The following DMWD variants were observed in gnomAD, a reference collection of about 807,000 sequenced individuals.
The protein encoded by DMWD is dystrophia myotonica WD repeat-containing protein.
A neutral mutation model predicts 45.8 loss-of-function variants in DMWD; 19 were observed. The ratio of observed to expected loss-of-function variants is 0.41; its 90% CI spans 0.29 to 0.61. DMWD has a LOEUF of 0.61. Among genes scored for constraint, DMWD ranks in the 20% least tolerant of loss-of-function variants. The probability of loss-of-function intolerance (pLI) is 0.25; values close to 1 mark genes in which losing one functional copy is unlikely to be tolerated. For missense variants in DMWD, 802 were observed against 965.2 expected (o/e 0.83, Z 2.24); for synonymous variants, 515 against 440.5 (o/e 1.17, Z -2.12).
intron 2 of DMWD, among the ~76,000 whole-genome samples, chr19:45,787,920 A>C (rs1235199305): frequency 6.6e-6 from 1 of 152,144 alleles, no homozygotes; most frequent in African/African-American, 2.4e-5. Context: ...TCTCTACTAA[A>C]AATACAAAAA....
Position 45,783,633 on chromosome 19 carries a change from G to A in DMWD, c.*610C>T, listed in dbSNP as rs1346986888. The A allele has an allele frequency of 5.0e-6, 2 of 400,584 alleles. No homozygotes were observed. Among genetic ancestry groups the A allele is most frequent in the Non-Finnish European group, 8.8e-6 (2 of 227,518 alleles). The allele number at this position is 400,584 out of a possible 1,614,324, so 24.8% of individuals were successfully genotyped here. A position where few individuals can be genotyped will look rare whatever the true frequency, so the allele number is the denominator to read the frequency against. Reference sequence around the variant, plus strand: ...GGTGGGAGGCGCTGGGCTGGGAGCAGGCCTGCACTCCTCCTCTGGGGAAAG... The same window carrying A: ...GGTGGGAGGCGCTGGGCTGGGAGCAAGCCTGCACTCCTCCTCTGGGGAAAG... On this transcript the variant is annotated 3_prime_UTR_variant, in exon 5 of 5. Coordinates refer to ENST00000270223, the MANE Select transcript of DMWD (RefSeq NM_004943.2).
At position 45,790,513 on chromosome 19, in the gene DMWD, C is replaced by T. The variant is rs1163974564; in HGVS notation, c.624+392G>A. 35 of 154,392 alleles carry T rather than the reference C, an allele frequency of 2.3e-4. 1 individual carries two copies. The highest frequency in any genetic ancestry group is 3.9e-4 in the East Asian group (2 of 5,096). 9.6% of individuals were successfully genotyped at this position (154,392 alleles called of 1,614,324 possible). Reference sequence around the variant, plus strand: ...CTAAAACTACAATAAATTAGGCGGGCGTGGCAGCAGGTGCCTGAAGTCCCA... The same window carrying T: ...CTAAAACTACAATAAATTAGGCGGGTGTGGCAGCAGGTGCCTGAAGTCCCA... On this transcript the variant is annotated intron_variant, in intron 2 of 4. Transcript: ENST00000270223.
In DMWD at chr19:45,792,706, C is replaced by A. The variant is rs898891884; in HGVS notation, c.51G>T (p.Gly17=). The change falls in exon 1 of 5, where the codon GGG becomes GGT. Residue 17 remains glycine, a synonymous_variant. Coordinates refer to ENST00000270223, the MANE Select transcript of DMWD (RefSeq NM_004943.2). ...EGGSGPGAAM[G]DCAEIKSQFR... is the part of the protein sequence containing the mutation. ...ATTGCGACTTAATCTCCGCGCAGTCCCCCATGGCGGCGCCGGGGCCCGAGC... is the reference window on the plus strand; with the variant it reads ...ATTGCGACTTAATCTCCGCGCAGTCACCCATGGCGGCGCCGGGGCCCGAGC... The A allele has an allele frequency of 1.9e-4, 235 of 1,236,036 alleles. No homozygotes were observed. The highest frequency in any genetic ancestry group is 2.2e-4 in the Non-Finnish European group (210 of 972,132). 76.6% of individuals were successfully genotyped at this position (1,236,036 alleles called of 1,614,324 possible). A position where few individuals can be genotyped will look rare whatever the true frequency, so the allele number is the denominator to read the frequency against.
chr19:45,786,219 G>A lies in DMWD; in HGVS notation c.1277C>T (p.Ser426Phe), dbSNP rs1970273529. 1 of 1,611,530 alleles carries A rather than the reference G, an allele frequency of 6.2e-7. No individual in the cohort carries two copies. Among genetic ancestry groups the A allele is most frequent in the South Asian group, 1.1e-5 (1 of 90,922 alleles). ...CGCCGAGCCAAAGCGGTAAGTAATG[G>A]AGCCAGCCTTGGGCAGTGGAGAGAG... is the stretch of plus-strand genomic sequence containing the variant. ...APLSPLPKAG[S>F]ITYRFGSAGQ... The change falls in exon 3 of 5, where the codon TCC becomes TTC. Residue 426 changes from serine to phenylalanine, a missense_variant. Physicochemically the swap from Ser to Phe is radical, Grantham distance 155 (BLOSUM62 -2). Around this residue, in one of 9 missense-constraint regions of DMWD, gnomAD observed 67 missense variants for 57.9 expected, o/e 1.16. Coordinates refer to ENST00000270223, the MANE Select transcript of DMWD (RefSeq NM_004943.2).
Position 45,792,568 on chromosome 19 carries a change from G to T in DMWD, c.189C>A (p.Pro63=). 1 of 1,245,556 alleles carries T rather than the reference G, an allele frequency of 8.0e-7. No individual in the cohort carries two copies. Among genetic ancestry groups the T allele is most frequent in the Non-Finnish European group, 1.0e-6 (1 of 981,600 alleles). The allele number at this position is 1,245,556 out of a possible 1,614,324, so 77.2% of individuals were successfully genotyped here. The change falls in exon 1 of 5, where the codon CCC becomes CCA. Residue 63 remains proline, a synonymous_variant. Transcript: ENST00000270223. ...PVPPQPPQPP[P]GPASASGPGA... is the part of the protein sequence containing the mutation. ...CGGGACCGGAGGCGGAGGCAGGGCC[G>T]GGCGGGGGCTGCGGTGGCTGAGGCG...
intron 1 of DMWD, 132 bp from the exon 2 acceptor site, chr19:45,791,219 G>T: frequency 1.1e-6 from 1 of 883,022 alleles, no homozygotes; most frequent in Non-Finnish European, 1.7e-6. Flanking sequence ...TGAGTAGGTG[G>T]ATTGCGAAGG....
At chr19:45,788,860 C>T (rs1047972459) in intron 2 of DMWD, among the ~76,000 whole-genome samples, 7 of 149,960 alleles carry the variant, frequency 4.7e-5, no homozygotes, top group Admixed American at 2.0e-4. Flanking sequence ...GCCTGGGAGG[C>T]GGAGGTTGCA....
In DMWD at chr19:45,787,058, G is replaced by A. The variant is rs942234718; in HGVS notation, c.625-187C>T. 3.9e-6 allele frequency: 4 copies of A among 1,030,918 alleles called. No individual in the cohort carries two copies. In the African/African-American group the frequency reaches 4.9e-5, roughly 13 times the overall value. The allele number at this position is 1,030,918 out of a possible 1,614,324, so 63.9% of individuals were successfully genotyped here. ...GGAAGACAGATGGACACCAGGTCAT[G>A]GAAACATGGGGAAACAGAGGCTGCT... On this transcript the variant is annotated intron_variant, in intron 2 of 4. Transcript: ENST00000270223.
At chr19:45,792,010 G>A (rs554304980) in intron 1 of DMWD, among the ~76,000 whole-genome samples, 1 of 152,024 alleles carries the variant, frequency 6.6e-6, no homozygotes, top group East Asian at 1.9e-4. Flanking sequence ...TGCCACCCCA[G>A]AACCCGGGGG....
chr19:45,785,865 T>C lies in DMWD; in HGVS notation c.1631A>G (p.His544Arg), dbSNP rs1970264677. Residue 544 changes from histidine (H) to arginine (R), a missense_variant, in exon 3 of 5, where the codon CAC (histidine) becomes CGC (arginine). Physicochemically the swap from His to Arg is conservative, Grantham distance 29. This residue lies in a region of DMWD where 303 missense variants were observed against 332.9 expected (regional missense o/e 0.91). Transcript: ENST00000270223. Reference sequence around the variant, plus strand: ...ACCCCGGCTGATGTTGCCCAGGCTGTGGTAGCGCTTGTGCTCCTTCTCTGC... The same window carrying C: ...ACCCCGGCTGATGTTGCCCAGGCTGCGGTAGCGCTTGTGCTCCTTCTCTGC... ...RGAEKEHKRY[H>R]SLGNISRGGS... 6.2e-7 allele frequency: 1 copy of C among 1,607,380 alleles called. No individual in the cohort carries two copies. The highest frequency in any genetic ancestry group is 2.2e-5 in the East Asian group (1 of 44,878).
chr19:45,786,915 C>T (rs1568592685), intron 2 of DMWD, 44 bp from the exon 3 acceptor site: 1 of 1,578,522 alleles, frequency 6.3e-7, no homozygotes, highest in African/African-American at 1.4e-5. Flanking sequence ...GCAGTAAAAC[C>T]CAGGCAGAAC....
At position 45,792,801 on chromosome 19, in the gene DMWD, A is replaced by T; in HGVS notation, c.-45T>A. 3.7e-6 allele frequency: 4 copies of T among 1,090,834 alleles called. No homozygotes were observed. The highest frequency in any genetic ancestry group is 4.5e-6 in the Non-Finnish European group (4 of 898,708). The allele number at this position is 1,090,834 out of a possible 1,614,324, so 67.6% of individuals were successfully genotyped here. A position where few individuals can be genotyped will look rare whatever the true frequency, so the allele number is the denominator to read the frequency against. ...CCGCCACTGCCGGACTGCCGCCCGC[A>T]GCCGGGCCCCCTCCCGGAAGCCGCT... On this transcript the variant is annotated 5_prime_UTR_variant, in exon 1 of 5. Coordinates refer to ENST00000270223, the MANE Select transcript of DMWD (RefSeq NM_004943.2).
rs377687395 is a variant in DMWD at position 45,790,965 on chromosome 19, C to A, written c.564G>T (p.Ala188=). Reference sequence around the variant, plus strand: ...TGAGATCCAGGTACTGCACTTGACCCGCTGAGAAGCCCACCAGCAGCGAGA... The same window carrying A: ...TGAGATCCAGGTACTGCACTTGACCAGCTGAGAAGCCCACCAGCAGCGAGA... ...ETISLLVGFS[A]GQVQYLDLIK... is the part of the protein sequence containing the mutation. Residue 188 remains alanine, a synonymous_variant, in exon 2 of 5, where the codon GCG becomes GCT. Coordinates refer to ENST00000270223, the MANE Select transcript of DMWD (RefSeq NM_004943.2). 1 of 1,613,474 alleles carries A rather than the reference C, an allele frequency of 6.2e-7. No homozygotes were observed. The highest frequency in any genetic ancestry group is 1.3e-5 in the African/African-American group (1 of 74,692).
In DMWD at chr19:45,786,467, C is replaced by T. The variant is rs779919971; in HGVS notation, c.1029G>A (p.Thr343=). The T allele has an allele frequency of 2.2e-5, 35 of 1,612,898 alleles. No homozygotes were observed. The highest frequency in any genetic ancestry group is 4.5e-5 in the East Asian group (2 of 44,830). ...CWSPDGRYVV[T]GGEDDLVTVW... Reference sequence around the variant, plus strand: ...CGGTGACCAGGTCATCTTCGCCACCCGTCACCACGTAGCGGCCGTCAGGGC... The same window carrying T: ...CGGTGACCAGGTCATCTTCGCCACCTGTCACCACGTAGCGGCCGTCAGGGC... Residue 343 remains threonine (T), a synonymous_variant, in exon 3 of 5, where the codon ACG becomes ACA. Coordinates refer to ENST00000270223, the MANE Select transcript of DMWD (RefSeq NM_004943.2).
At chr19:45,792,190 C>T (rs1210052660) in intron 1 of DMWD, 126 bp downstream of exon 1, 3 of 1,400,806 alleles carry the variant, frequency 2.1e-6, no homozygotes, top group African/African-American at 1.5e-5. Flanking sequence ...ATGCTGTCGC[C>T]CTACAACGTC....
intron 4 of DMWD, 130 bp downstream of exon 4, chr19:45,784,511 A>G: frequency 4.2e-6 from 6 of 1,429,682 alleles, no homozygotes; most frequent in Non-Finnish European, 5.6e-6. Flanking sequence ...CAATAATCAA[A>G]GTCCTTGGCG....
chr19:45,783,264 G>C lies in DMWD; in HGVS notation c.*979C>G, dbSNP rs759523824. On this transcript the variant is annotated 3_prime_UTR_variant, in exon 5 of 5. Coordinates refer to ENST00000270223, the MANE Select transcript of DMWD (RefSeq NM_004943.2). ...GAAGACACACTCCCTGCGGCTCCGA[G>C]AGCCAAGAGGAATCTGAGCTCTTCT... The C allele has an allele frequency of 7.1e-6, 2 of 282,468 alleles. No individual in the cohort carries two copies. The highest frequency in any genetic ancestry group is 6.5e-6 in the Non-Finnish European group (1 of 152,788). The allele number at this position is 282,468 out of a possible 1,614,324, so 17.5% of individuals were successfully genotyped here.
Position 45,792,723 on chromosome 19 carries a change from G to C in DMWD, c.34C>G (p.Pro12Ala). The change falls in exon 1 of 5, where the codon CCC becomes GCC. Residue 12 changes from proline to alanine, a missense_variant. By Grantham distance (27) the Pro-to-Ala change is conservative (BLOSUM62 -1). Transcript: ENST00000270223. ...AAGGAEGGSGPGAAMGDCAEI... is the reference protein window; with the variant it reads ...AAGGAEGGSGAGAAMGDCAEI... ...GCGCAGTCCCCCATGGCGGCGCCGG[G>C]GCCCGAGCCGCCCTCCGCGCCGCCC... The C allele has an allele frequency of 8.4e-7, 1 of 1,187,118 alleles. No individual in the cohort carries two copies. Among genetic ancestry groups the C allele is most frequent in the South Asian group, 2.9e-5 (1 of 34,544 alleles). The allele number at this position is 1,187,118 out of a possible 1,614,324, so 73.5% of individuals were successfully genotyped here.
In DMWD at chr19:45,784,144, T is replaced by C. The variant is rs1447419471; in HGVS notation, c.*99A>G. 1 of 1,083,856 alleles carries C rather than the reference T, an allele frequency of 9.2e-7. No individual in the cohort carries two copies. The highest frequency in any genetic ancestry group is 1.8e-5 in the Admixed American group (1 of 55,296). The allele number at this position is 1,083,856 out of a possible 1,614,324, so 67.1% of individuals were successfully genotyped here. The stretch of plus-strand genomic sequence containing the variant: ...GGGGACTGGAGCAGTCCATCCATCA[T>C]GGTTAGTCTTGTTAATACGTTGATC... On this transcript the variant is annotated 3_prime_UTR_variant, in exon 5 of 5. Transcript: ENST00000270223.
Sources: allele counts gnomAD v4.1 joint callset (sites outside exome capture counted in the v4.1 genomes callset), GRCh38; gene constraint gnomAD v4.1.1; regional missense constraint gnomAD v4.1.1; transcripts MANE v1.5; gene names NCBI Gene and HGNC (gene_info 2026-07-23, HGNC 2026-07-21).